The following AK9 variants were observed in gnomAD, a reference collection of about 807,000 sequenced individuals.
AK9 encodes the protein adenylate kinase 9.
AK9 carries 191 observed loss-of-function variants against 239.6 expected under a neutral mutation model. That is an observed-to-expected ratio of 0.80 (90% CI 0.71 to 0.90). AK9 has a LOEUF of 0.90. Ranked by LOEUF, AK9 falls within the 40% of genes least tolerant of loss-of-function variation. The pLI is 0.00. For synonymous variants in AK9, 689 were observed against 721.0 expected (o/e 0.96, Z 0.71); for missense variants, 1,995 against 2,214.7 (o/e 0.90, Z 1.99).
intron 12 of AK9, among the ~76,000 whole-genome samples, chr6:109,630,690 C>T (rs1438236661): frequency 6.6e-6 from 1 of 151,848 alleles, no homozygotes; most frequent in Non-Finnish European, 1.5e-5. Flanking sequence ...CAAAAAAATA[C>T]AAAAATTAGC....
Position 109,643,755 on chromosome 6 carries a change from C to T in AK9, c.834+859G>A, listed in dbSNP as rs1326664896. ...CCACCCCTCCAGCCCCATCCTCCTA[C>T]GTTCCAGTCCTATATTCAGTACCTG... On this transcript the variant is annotated intron_variant, in intron 9 of 40. Coordinates refer to ENST00000424296, the MANE Select transcript of AK9 (RefSeq NM_001145128.3). Among the ~76,000 whole-genome samples the T allele has an allele frequency of 4.5e-4, 68 of 152,162 alleles. 1 individual carries two copies. The highest frequency in any genetic ancestry group is 3.9e-3 in the Admixed American group (59 of 15,280).
At chr6:109,626,222 C>T (rs963302630) in intron 12 of AK9, among the ~76,000 whole-genome samples, 2 of 96,248 alleles carry the variant, frequency 2.1e-5, no homozygotes, top group Admixed American at 1.3e-4. Context: ...TCTCTATTCT[C>T]TTATAAAGAC....
At chr6:109,545,435 G>A (rs560678175) in intron 26 of AK9, among the ~76,000 whole-genome samples, 1 of 152,230 alleles carries the variant, frequency 6.6e-6, no homozygotes, top group African/African-American at 2.4e-5. Flanking sequence ...TGAATCATGG[G>A]GGCAGGCCTT....
chr6:109,652,080 A>C (rs1055842301), intron 8 of AK9, among the ~76,000 whole-genome samples: 3 of 152,194 alleles, frequency 2.0e-5, no homozygotes, highest in Non-Finnish European at 4.4e-5. Context: ...CTGATACCAA[A>C]GCCTGTCAGA....
Position 109,546,723 on chromosome 6 carries a change from A to G in AK9, c.2965-596T>C, listed in dbSNP as rs115536125. On this transcript the variant is annotated intron_variant, in intron 25 of 40. Transcript: ENST00000424296. ...GTAGGATAAGCCTCAAAGGGGCTGG[A>G]GTTTTTGCAAGGGGAAGGAGAAAAA... 3.7e-3 allele frequency among the ~76,000 whole-genome samples: 564 copies of G among 152,286 alleles called. 3 individuals are homozygous for G. Among genetic ancestry groups the G allele is most frequent in the African/African-American group, 0.013 (541 of 41,566 alleles).
At chr6:109,690,344 A>G (rs2128372609) in intron 1 of AK9, 1 of 152,362 alleles carries the variant, frequency 6.6e-6, no homozygotes, top group East Asian at 1.9e-4. Context: ...GTGGATTTAC[A>G]AAGAGACCGT....
rs1165900412 is a variant in AK9 at position 109,674,246 on chromosome 6, T to A, written c.133A>T (p.Thr45Ser). ...GCCTGTGTTATGTAACGGGCTAATG[T>A]TGTTTTCCCAACACCCTTAAAAAGA... Reference protein sequence around the residue: ...VFGKPGVGKTTLARYITQAWK... With the variant: ...VFGKPGVGKTSLARYITQAWK... The change falls in exon 3 of 41, where the codon ACA (threonine) becomes TCA (serine). Residue 45 changes from threonine to serine, a missense_variant. Around this residue, in one of 5 missense-constraint regions of AK9, gnomAD observed 252 missense variants for 246.4 expected, o/e 1.02. Coordinates refer to ENST00000424296, the MANE Select transcript of AK9 (RefSeq NM_001145128.3). 6.3e-7 allele frequency: 1 copy of A among 1,587,366 alleles called. No individual in the cohort carries two copies. The highest frequency in any genetic ancestry group is 1.3e-5 in the African/African-American group (1 of 74,106).
chr6:109,675,969 T>A (rs1771686308), intron 1 of AK9, among the ~76,000 whole-genome samples: 2 of 152,092 alleles, frequency 1.3e-5, no homozygotes, highest in Non-Finnish European at 2.9e-5. Context: ...TCCAACTATA[T>A]GTTGTATAAA....
chr6:109,588,090 A>G (rs936898823), intron 17 of AK9, among the ~76,000 whole-genome samples: 10 of 142,944 alleles, frequency 7.0e-5, no homozygotes, highest in African/African-American at 2.6e-4. Context: ...TTTTTTTTTG[A>G]GACGGAGTTT....
intron 17 of AK9, among the ~76,000 whole-genome samples, chr6:109,595,234 G>A (rs1221697707): frequency 3.3e-5 from 5 of 152,066 alleles, no homozygotes; most frequent in African/African-American, 4.8e-5. Flanking sequence ...ACATTTATGC[G>A]GCCAACAAAC....
rs1470748474 is a variant in AK9, at chr6:109,679,004, TG to T, written c.-11-3249del. ...TCTGATGCCTACGCCACCAGGGCCC[TG>T]GGTTTCAAGCACAAAATTGGGCAGC... On this transcript the variant is annotated intron_variant, in intron 1 of 40. Coordinates refer to ENST00000424296, the MANE Select transcript of AK9 (RefSeq NM_001145128.3). Among the ~76,000 whole-genome samples, 6 of 152,278 alleles carry T rather than the reference TG, an allele frequency of 3.9e-5. No individual in the cohort carries two copies. The East Asian group carries it at 1.2e-3, about 29-fold the overall frequency.
intron 1 of AK9, among the ~76,000 whole-genome samples, chr6:109,680,399 T>C (rs946238414): frequency 6.6e-6 from 1 of 151,880 alleles, no homozygotes; most frequent in Non-Finnish European, 1.5e-5. Context: ...AAGACAAGAT[T>C]AGAGAAAAAA....
At chr6:109,548,326 A>G (rs1783869876) in intron 25 of AK9, among the ~76,000 whole-genome samples, 1 of 152,200 alleles carries the variant, frequency 6.6e-6, no homozygotes. Context: ...ATAAGACATC[A>G]GTTTGAAAAC....
intron 8 of AK9, among the ~76,000 whole-genome samples, chr6:109,651,740 C>A (rs974868296): frequency 1.4e-4 from 22 of 152,016 alleles, no homozygotes; most frequent in Non-Finnish European, 2.6e-4. Context: ...AAGGGGATAT[C>A]ACCACCGATC....
chr6:109,647,079 C>T (rs527762899), intron 8 of AK9, among the ~76,000 whole-genome samples: 144 of 152,226 alleles, frequency 9.5e-4, no homozygotes, highest in Non-Finnish European at 1.6e-3. Flanking sequence ...TACAAGAGCT[C>T]CTGAGGAAAC....
chr6:109,689,950 A>G (rs1421785028), intron 1 of AK9, among the ~76,000 whole-genome samples: 1 of 152,242 alleles, frequency 6.6e-6, no homozygotes, highest in Non-Finnish European at 1.5e-5. Context: ...GCCAGAACGG[A>G]CACGGCCATC....
chr6:109,606,212 T>G (rs1312012034), intron 17 of AK9, among the ~76,000 whole-genome samples: 3 of 152,158 alleles, frequency 2.0e-5, no homozygotes, highest in Non-Finnish European at 4.4e-5. Context: ...ATTCCCTTAC[T>G]CTATACTATT....
rs1418240316 is a variant in AK9 at position 109,564,730 on chromosome 6, G to T, written c.2434+26C>A. 4 of 1,474,736 alleles carry T rather than the reference G, an allele frequency of 2.7e-6. No homozygotes were observed. In the African/African-American group the frequency reaches 5.7e-5, roughly 21 times the overall value. 91.4% of individuals were successfully genotyped at this position (1,474,736 alleles called of 1,614,324 possible). On this transcript the variant is annotated intron_variant, in intron 22 of 40. Transcript: ENST00000424296. ...AAATATGAAAAGTACTTTTATGCAAGAACTACTTTCATTTTACAGTCTAAC... is the reference window on the plus strand; with the variant it reads ...AAATATGAAAAGTACTTTTATGCAATAACTACTTTCATTTTACAGTCTAAC...
intron 10 of AK9, among the ~76,000 whole-genome samples, chr6:109,640,450 C>A (rs1797261155): frequency 6.6e-6 from 1 of 152,306 alleles, no homozygotes; most frequent in South Asian, 2.1e-4. Flanking sequence ...CACTGTCTAA[C>A]CAGTCCCAAT....
Sources: allele counts gnomAD v4.1 joint callset (sites outside exome capture counted in the v4.1 genomes callset), GRCh38; gene constraint gnomAD v4.1.1; regional missense constraint gnomAD v4.1.1; transcripts MANE v1.5; gene names NCBI Gene and HGNC (gene_info 2026-07-23, HGNC 2026-07-21).